ABI3BP: variants seen among roughly 807,000 people sequenced by gnomAD.
The protein encoded by ABI3BP is target of Nesh-SH3.
In ABI3BP, 216 loss-of-function variants were observed where a neutral mutation model predicts 268.6. The ratio of observed to expected loss-of-function variants is 0.80; its 90% CI spans 0.72 to 0.90. ABI3BP has a LOEUF of 0.90. Ranked by LOEUF, ABI3BP falls within the 40% of genes least tolerant of loss-of-function variation. ABI3BP has a pLI of 0.00. For missense variants in ABI3BP, 2,090 were observed against 2,182.4 expected (o/e 0.96, Z 0.84); for synonymous variants, 730 against 730.0 (o/e 1.00, Z 0.00).
At chr3:100,759,278 AAAAG>A (rs2095813745) in intron 63 of ABI3BP, among the ~76,000 whole-genome samples, 1 of 152,208 alleles carries the variant, frequency 6.6e-6, no homozygotes, top group Non-Finnish European at 1.5e-5. Flanking sequence ...GAATAAGAAA[AAAAG>A]AGGAAGGACT....
At chr3:100,928,826 C>T (rs1433223278) in intron 1 of ABI3BP, among the ~76,000 whole-genome samples, 1 of 152,034 alleles carries the variant, frequency 6.6e-6, no homozygotes. Flanking sequence ...TCTCTTTTCA[C>T]TGAGAACTTT....
In ABI3BP at chr3:100,843,960, G is replaced by T. The variant is rs1226684885; in HGVS notation, c.1724-1921C>A. 6 of 985,034 alleles carry T rather than the reference G, an allele frequency of 6.1e-6. No individual in the cohort carries two copies. The African/African-American group carries it at 8.7e-5, about 14-fold the overall frequency. 61.0% of individuals were successfully genotyped at this position (985,034 alleles called of 1,614,324 possible). A position where few individuals can be genotyped will look rare whatever the true frequency, so the allele number is the denominator to read the frequency against. On this transcript the variant is annotated intron_variant, in intron 20 of 67. Coordinates refer to ENST00000471714, the MANE Select transcript of ABI3BP (RefSeq NM_001375547.2). Reference sequence around the variant, plus strand: ...TCTGCATTTTTGAGTTCCTGGCTGAGTTTGAGACCAAATAGGGATAGAACT... The same window carrying T: ...TCTGCATTTTTGAGTTCCTGGCTGATTTTGAGACCAAATAGGGATAGAACT...
chr3:100,803,197 C>T (rs1329426053), intron 51 of ABI3BP, among the ~76,000 whole-genome samples: 2 of 145,870 alleles, frequency 1.4e-5, no homozygotes, highest in Admixed American at 6.8e-5. Flanking sequence ...TTACTCTGCT[C>T]GTTCAAACTC....
intron 58 of ABI3BP, chr3:100,778,702 C>T (rs904601351): frequency 2.0e-5 from 5 of 246,688 alleles, no homozygotes; most frequent in African/African-American, 1.1e-4. Flanking sequence ...TTTTAAAAAC[C>T]ACAATAAAAA....
intron 6 of ABI3BP, among the ~76,000 whole-genome samples, chr3:100,881,366 G>C (rs1354041527): frequency 3.9e-5 from 6 of 152,016 alleles, no homozygotes; most frequent in Middle Eastern, 3.2e-3. Context: ...AGTAACTGTG[G>C]ATTTCTTAAA....
intron 33 of ABI3BP, 84 bp downstream of exon 33, chr3:100,829,497 C>T: frequency 7.7e-7 from 1 of 1,294,174 alleles, no homozygotes; most frequent in Non-Finnish European, 1.1e-6. Context: ...GAATCAGCTG[C>T]TGACCATGCC....
intron 65 of ABI3BP, among the ~76,000 whole-genome samples, chr3:100,753,199 T>G (rs753189157): frequency 6.6e-6 from 1 of 152,186 alleles, no homozygotes; most frequent in Non-Finnish European, 1.5e-5. Flanking sequence ...GTAGACAGTG[T>G]CATTTAGGAG....
rs558077025 is a variant in ABI3BP, at chr3:100,758,578, C to T, written c.4851-3887G>A. On this transcript the variant is annotated intron_variant, in intron 63 of 67. Transcript: ENST00000471714. ...ATAGCCCACGGGTTATTGGAAAGAT[C>T]GAAAATTTAACAGGTAAACCTTTCT... Among the ~76,000 whole-genome samples, 5 of 151,962 alleles carry T rather than the reference C, an allele frequency of 3.3e-5. No individual in the cohort carries two copies. In the South Asian group the frequency reaches 6.2e-4, roughly 19 times the overall value.
At chr3:100,985,864 T>C (rs1352495239) in intron 1 of ABI3BP, among the ~76,000 whole-genome samples, 1 of 152,254 alleles carries the variant, frequency 6.6e-6, no homozygotes, top group East Asian at 1.9e-4. Flanking sequence ...GGAGTTTTAA[T>C]GCTTAAACCA....
At chr3:100,926,521 C>A in intron 1 of ABI3BP, 40 bp from the exon 2 acceptor site, 1 of 1,576,284 alleles carries the variant, frequency 6.3e-7, no homozygotes, top group Non-Finnish European at 8.7e-7. Flanking sequence ...TGTTACTTCC[C>A]CTTTTTAGCA....
At position 100,847,673 on chromosome 3, in the gene ABI3BP, T is replaced by C. The variant is rs775759835; in HGVS notation, c.1577A>G (p.Glu526Gly). The C allele has an allele frequency of 6.2e-7, 1 of 1,613,200 alleles. No individual in the cohort carries two copies. The highest frequency in any genetic ancestry group is 2.2e-5 in the East Asian group (1 of 44,894). Residue 526 changes from glutamate (E) to glycine (G), a missense_variant and splice_region_variant, in exon 19 of 68, where the codon GAA becomes GGA. Transcript: ENST00000471714. ...PRPKPPRTKPERTTSAGTITP... is the reference protein window; with the variant it reads ...PRPKPPRTKPGRTTSAGTITP... ...AATTGTTCCGGCACTTGTGGTTCTTTCTGGTGATGGAAAGGAAAAAAATAT... is the reference window on the plus strand; with the variant it reads ...AATTGTTCCGGCACTTGTGGTTCTTCCTGGTGATGGAAAGGAAAAAAATAT...
chr3:100,804,887 T>C, intron 50 of ABI3BP, 21 bp from the exon 51 acceptor site: 1 of 1,606,188 alleles, frequency 6.2e-7, no homozygotes, highest in Non-Finnish European at 8.5e-7. Flanking sequence ...GAACTCATAT[T>C]GTAAGTCATT....
intron 30 of ABI3BP, 127 bp downstream of exon 30, chr3:100,832,998 C>CA: frequency 1.3e-6 from 1 of 786,822 alleles, no homozygotes; most frequent in Non-Finnish European, 1.9e-6. Context: ...GCAAGCTTTC[C>CA]ATATTTTGAG....
chr3:100,812,636 AT>A lies in ABI3BP; in HGVS notation c.3365-114del, dbSNP rs572131969. 197 of 563,454 alleles carry A rather than the reference AT, an allele frequency of 3.5e-4. 2 individuals carry two copies. In the African/African-American group the frequency reaches 3.5e-3, roughly 10 times the overall value. The allele number at this position is 563,454 out of a possible 1,614,324, so 34.9% of individuals were successfully genotyped here. On this transcript the variant is annotated intron_variant, in intron 45 of 67. Coordinates refer to ENST00000471714, the MANE Select transcript of ABI3BP (RefSeq NM_001375547.2). ...TTAACTGTTATAGGGTAACAACATT[AT>A]TAACACTAAGGGAAGCTCTCATAAC...
At chr3:100,871,835 T>A (rs1307950353) in intron 9 of ABI3BP, among the ~76,000 whole-genome samples, 1 of 152,228 alleles carries the variant, frequency 6.6e-6, no homozygotes, top group Non-Finnish European at 1.5e-5. Context: ...TGTTCTTTTA[T>A]TATTAGCATC....
intron 35 of ABI3BP, 77 bp downstream of exon 35, chr3:100,825,708 G>C: frequency 1.8e-6 from 2 of 1,118,334 alleles, no homozygotes; most frequent in Non-Finnish European, 1.3e-6. Context: ...CCATGTTATA[G>C]GGATGAAGAC....
At chr3:100,847,348 C>T (rs978475937) in intron 19 of ABI3BP, among the ~76,000 whole-genome samples, 8 of 152,066 alleles carry the variant, frequency 5.3e-5, no homozygotes, top group South Asian at 4.2e-4. Flanking sequence ...GGATAGATGA[C>T]AAGGAAGCAG....
At chr3:100,988,135 C>T (rs980192614) in intron 1 of ABI3BP, among the ~76,000 whole-genome samples, 8 of 152,090 alleles carry the variant, frequency 5.3e-5, no homozygotes, top group Admixed American at 3.3e-4. Context: ...TTAAGATGGA[C>T]GAGATCCTCT....
At chr3:100,976,836 G>A (rs2086456184) in intron 1 of ABI3BP, among the ~76,000 whole-genome samples, 1 of 152,142 alleles carries the variant, frequency 6.6e-6, no homozygotes, top group Non-Finnish European at 1.5e-5. Flanking sequence ...TTGGGCACAG[G>A]TCGACTCTTC....
Sources: gnomAD v4.1 joint callset for allele counts (sites outside exome capture counted in the v4.1 genomes callset) on GRCh38, gnomAD v4.1.1 for gene constraint, MANE v1.5 for transcripts, NCBI Gene and HGNC (gene_info 2026-07-23, HGNC 2026-07-21) for gene names.